Variants in MAPT observed in about 807,000 individuals in gnomAD.
The protein encoded by MAPT is microtubule-associated protein tau.
In MAPT, 34 loss-of-function variants were observed where a neutral mutation model predicts 67.9. That is an observed-to-expected ratio of 0.50 (90% CI 0.38 to 0.67). The LOEUF (loss-of-function observed/expected upper bound fraction) is 0.67. MAPT is among the 30% of genes least tolerant of loss of function. MAPT has a pLI of 0.00. For synonymous variants in MAPT, 456 were observed against 464.5 expected, an observed-to-expected ratio of 0.98 and a Z score of 0.23; for missense variants, 881 against 1,115.2, an observed-to-expected ratio of 0.79 and a Z score of 2.99.
intron 5 of MAPT, among the ~76,000 whole-genome samples, chr17:45,986,360 C>G (rs1284613586): frequency 6.6e-6 from 1 of 152,190 alleles, no homozygotes; most frequent in East Asian, 1.9e-4. Context: ...CTCTCCTATT[C>G]TGGAGGCGTG....
At chr17:45,941,755 C>CTTCCTGCCTTCCT (rs2068016747) in intron 1 of MAPT, among the ~76,000 whole-genome samples, 1 of 142,946 alleles carries the variant, frequency 7.0e-6, no homozygotes, top group African/African-American at 2.7e-5. Context: ...TCCTTCCTTC[C>CTTCCTGCCTTCCT]TGGTATGTGA....
rs1203794227 is a variant in MAPT at position 45,995,114 on chromosome 17, A to G, written c.1733-1285A>G. Among the ~76,000 whole-genome samples, 1 of 152,196 alleles carries G rather than the reference A, an allele frequency of 6.6e-6. No homozygotes were observed. Among genetic ancestry groups the G allele is most frequent in the Non-Finnish European group, 1.5e-5 (1 of 68,034 alleles). On this transcript the variant is annotated intron_variant, in intron 8 of 12. Coordinates refer to ENST00000262410, the MANE Select transcript of MAPT (RefSeq NM_001377265.1). This position sits in a 1 kb window ranked among gnomAD's most constrained non-coding sequence, Gnocchi z 4.3. ...ACTAGTGCTTATTCGTCACTGGCCA[A>G]GCTGCCCATTGGCTACATGGGTGCT...
At chr17:45,907,985 T>A (rs1270463512) in intron 1 of MAPT, 4 of 152,354 alleles carry the variant, frequency 2.6e-5, no homozygotes, top group African/African-American at 9.6e-5. Context: ...ATCCCCCATC[T>A]GGTTCTACTG....
intron 9 of MAPT, among the ~76,000 whole-genome samples, chr17:45,998,247 C>A (rs73317014): frequency 0.035 from 5,330 of 152,302 alleles, 345 homozygotes; most frequent in African/African-American, 0.12. Flanking sequence ...CACCTCCCCC[C>A]ACCCAGGATC....
chr17:45,950,758 G>A (rs2068986411), intron 1 of MAPT, among the ~76,000 whole-genome samples: 1 of 152,016 alleles, frequency 6.6e-6, no homozygotes, highest in East Asian at 1.9e-4. Context: ...TCCCTCCTGG[G>A]TTCAAGTGAT....
At position 45,999,169 on chromosome 17, in the gene MAPT, T is replaced by C. The variant is rs1027187966; in HGVS notation, c.1998+2505T>C. ...TCTCTTCCCTTCCCTTAAATCCAAG[T>C]TCAGTTGCCATCTCCTCCAGGAAGT... On this transcript the variant is annotated intron_variant, in intron 9 of 12. Transcript: ENST00000262410. 8 of 1,463,246 alleles carry C rather than the reference T, an allele frequency of 5.5e-6. No homozygotes were observed. In the African/African-American group the frequency reaches 1.1e-4, roughly 21 times the overall value. The allele number at this position is 1,463,246 out of a possible 1,614,324, so 90.6% of individuals were successfully genotyped here.
intron 1 of MAPT, among the ~76,000 whole-genome samples, chr17:45,951,528 T>C (rs2069080195): frequency 2.0e-5 from 3 of 151,878 alleles, no homozygotes; most frequent in Non-Finnish European, 2.9e-5. Context: ...TTCTCATCTC[T>C]CTCTCTCTCT....
In MAPT at chr17:45,955,729, CT is replaced by C. The variant is rs754582955; in HGVS notation, c.-17-6580del. On this transcript the variant is annotated intron_variant, in intron 1 of 12. Transcript: ENST00000262410. Reference sequence around the variant, plus strand: ...GCTCACACGGCACAAACACTCCTTCCTTTTTTTTTTTTCTTTTTCCTTTTTG... The same window carrying C: ...GCTCACACGGCACAAACACTCCTTCCTTTTTTTTTTTCTTTTTCCTTTTTG... 9.2e-3 allele frequency among the ~76,000 whole-genome samples: 1,151 copies of C among 125,240 alleles called. 6 individuals carry two copies. Among genetic ancestry groups the C allele is most frequent in the Non-Finnish European group, 0.012 (643 of 51,470 alleles). The allele number at this position is 125,240 out of a possible 152,430, so 82.2% of individuals were successfully genotyped here.
intron 7 of MAPT, among the ~76,000 whole-genome samples, chr17:45,990,698 G>A (rs1437860966): frequency 6.6e-6 from 1 of 152,192 alleles, no homozygotes; most frequent in Non-Finnish European, 1.5e-5. Context: ...GCCCTGATCT[G>A]GGTAGGACAG....
chr17:45,993,850 G>A, intron 8 of MAPT: 1 of 1,462,158 alleles, frequency 6.8e-7, no homozygotes, highest in South Asian at 1.2e-5. Flanking sequence ...GTGGGTGCCT[G>A]CCACGTGAAG....
At chr17:45,919,366 C>G (rs1035514696) in intron 1 of MAPT, among the ~76,000 whole-genome samples, 1 of 152,214 alleles carries the variant, frequency 6.6e-6, no homozygotes, top group African/African-American at 2.4e-5. Context: ...CCCGCCTGCC[C>G]TCCTCCCTGG....
intron 2 of MAPT, chr17:45,969,027 C>T (rs1001975241): frequency 6.6e-6 from 1 of 152,246 alleles, no homozygotes; most frequent in African/African-American, 2.4e-5. Context: ...GATTTGGGCC[C>T]CATCTGCCTG....
At position 46,024,184 on chromosome 17, in the gene MAPT, G is replaced by A; in HGVS notation, c.*13G>A. 1 of 1,612,036 alleles carries A rather than the reference G, an allele frequency of 6.2e-7. No individual in the cohort carries two copies. On this transcript the variant is annotated 3_prime_UTR_variant, in exon 13 of 13. Coordinates refer to ENST00000262410, the MANE Select transcript of MAPT (RefSeq NM_001377265.1). ...GCAGGGTTTGTGATCAGGCCCCTGG[G>A]GCGGTCAATAATTGTGGAGAGGAGA...
intron 9 of MAPT, among the ~76,000 whole-genome samples, chr17:46,002,504 A>AGGGGCCCAAGCATGGGG: frequency 6.6e-6 from 1 of 151,904 alleles, no homozygotes; most frequent in East Asian, 1.9e-4. Context: ...GGAAGGGCCC[A>AGGGGCCCAAGCATGGGG]GGGGCCCAAG....
chr17:46,026,346 C>A lies in MAPT; in HGVS notation c.*2175C>A, dbSNP rs1309607187. ...AGGATTAGGACTGAAGCGATGATGTCCCCTTCCCTACTTCCCCTTGGGGCT... is the reference window on the plus strand; with the variant it reads ...AGGATTAGGACTGAAGCGATGATGTACCCTTCCCTACTTCCCCTTGGGGCT... On this transcript the variant is annotated 3_prime_UTR_variant, in exon 13 of 13. Coordinates refer to ENST00000262410, the MANE Select transcript of MAPT (RefSeq NM_001377265.1). 1 of 152,648 alleles carries A rather than the reference C, an allele frequency of 6.6e-6. No individual in the cohort carries two copies. The highest frequency in any genetic ancestry group is 2.4e-5 in the African/African-American group (1 of 41,442). 9.5% of individuals were successfully genotyped at this position (152,648 alleles called of 1,614,324 possible). A position where few individuals can be genotyped will look rare whatever the true frequency, so the allele number is the denominator to read the frequency against.
chr17:45,984,122 C>G (rs1314593602), intron 5 of MAPT, among the ~76,000 whole-genome samples, 192 bp downstream of exon 5: 1 of 152,184 alleles, frequency 6.6e-6, no homozygotes, highest in Non-Finnish European at 1.5e-5. Flanking sequence ...TGTGGCCGCA[C>G]GCGCCCCTCA....
chr17:45,926,054 T>TA (rs1298386858), intron 1 of MAPT, among the ~76,000 whole-genome samples: 3 of 151,670 alleles, frequency 2.0e-5, no homozygotes, highest in Non-Finnish European at 4.4e-5. Flanking sequence ...CTACTAAAAA[T>TA]AAAAAAATTA....
At chr17:45,903,920 TATATATATTATATATTTATATATA>T (rs2063859904) in intron 1 of MAPT, among the ~76,000 whole-genome samples, 1 of 20,350 alleles carries the variant, frequency 4.9e-5, no homozygotes, top group Admixed American at 8.8e-4. Flanking sequence ...ATTATATATT[TATATATATTATATATTTATATATA>T]ATATATATTA....
At chr17:46,006,815 C>G (rs528955756) in intron 9 of MAPT, among the ~76,000 whole-genome samples, 1 of 151,626 alleles carries the variant, frequency 6.6e-6, no homozygotes, top group Non-Finnish European at 1.5e-5. Flanking sequence ...CCCAGCTACT[C>G]GGGAGGCTGA....
Sources: gnomAD v4.1 joint callset for allele counts (sites outside exome capture counted in the v4.1 genomes callset) on GRCh38, gnomAD v4.1.1 for gene constraint, Gnocchi (gnomAD v3.1) non-coding constraint, MANE v1.5 for transcripts, NCBI Gene and HGNC (gene_info 2026-07-23, HGNC 2026-07-21) for gene names.